SUCLG2: variants seen among roughly 807,000 people sequenced by gnomAD.
The protein encoded by SUCLG2 is succinate-CoA ligase GDP-forming subunit beta, also known as succinate--CoA ligase [GDP-forming] subunit beta, mitochondrial.
In SUCLG2, 42 loss-of-function variants were observed where a neutral mutation model predicts 47.9. That is an observed-to-expected ratio of 0.88 (90% CI 0.69 to 1.14). SUCLG2 has a LOEUF of 1.14. Ranked by LOEUF, SUCLG2 falls within the 50% of genes most tolerant of loss-of-function variation. The probability of loss-of-function intolerance (pLI) is 0.00; values close to 1 mark genes in which losing one functional copy is unlikely to be tolerated. For missense variants in SUCLG2, 571 were observed against 525.9 expected, an observed-to-expected ratio of 1.09 and a Z score of -0.84; for synonymous variants, 195 against 197.3, an observed-to-expected ratio of 0.99 and a Z score of 0.10.
chr3:67,370,623 T>G (rs1383201989), downstream of SUCLG2, among the ~76,000 whole-genome samples: 6 of 152,244 alleles, frequency 3.9e-5, no homozygotes, highest in African/African-American at 1.4e-4. Flanking sequence ...TGTCTTTTCC[T>G]AGACATATAT....
chr3:67,539,066 A>T (rs1706626865), intron 2 of SUCLG2, among the ~76,000 whole-genome samples: 1 of 152,078 alleles, frequency 6.6e-6, no homozygotes, highest in African/African-American at 2.4e-5. Flanking sequence ...CCCTTGCCTG[A>T]TTGTCCTGGC....
intron 9 of SUCLG2, among the ~76,000 whole-genome samples, chr3:67,481,495 C>T (rs1704914933): frequency 6.6e-6 from 1 of 152,220 alleles, no homozygotes; most frequent in Non-Finnish European, 1.5e-5. Flanking sequence ...CAGGGCTTTT[C>T]AAACTCTAAC....
intron 10 of SUCLG2, among the ~76,000 whole-genome samples, chr3:67,377,687 T>C (rs543091409): frequency 6.6e-6 from 1 of 152,222 alleles, no homozygotes; most frequent in Admixed American, 6.5e-5. Context: ...AGGCTCTCGC[T>C]GTGTCACCCA....
chr3:67,611,527 C>T (rs1302476747), intron 1 of SUCLG2, among the ~76,000 whole-genome samples: 1 of 152,072 alleles, frequency 6.6e-6, no homozygotes, highest in Non-Finnish European at 1.5e-5. Context: ...AGCGAAAAAG[C>T]CCCTTAGTGA....
In SUCLG2 at chr3:67,441,649, A is replaced by C. The variant is rs1049584494; in HGVS notation, c.1063-40798T>G. On this transcript the variant is annotated intron_variant, in intron 9 of 10. Transcript: ENST00000307227. ...ATGTTGTTCTAAGTTGCTCAACTTT[A>C]GGATCTTTTGTTACAAAGTAATACA... Among the ~76,000 whole-genome samples, 100 of 152,208 alleles carry C rather than the reference A, an allele frequency of 6.6e-4. 1 individual carries two copies. Among genetic ancestry groups the C allele is most frequent in the Non-Finnish European group, 1.0e-4 (7 of 68,036 alleles).
intron 2 of SUCLG2, among the ~76,000 whole-genome samples, chr3:67,595,406 G>C (rs1273951601): frequency 1.3e-5 from 2 of 152,184 alleles, no homozygotes; most frequent in African/African-American, 4.8e-5. Context: ...ATCACCCCAA[G>C]AAGGGAAGAC....
chr3:67,512,997 G>C (rs767156100), intron 6 of SUCLG2, among the ~76,000 whole-genome samples: 2 of 149,394 alleles, frequency 1.3e-5, no homozygotes, highest in Non-Finnish European at 3.0e-5. Context: ...GATATATATA[G>C]ATACCAGATA....
chr3:67,538,730 T>C (rs1400974589), intron 2 of SUCLG2, among the ~76,000 whole-genome samples: 1 of 152,242 alleles, frequency 6.6e-6, no homozygotes, highest in African/African-American at 2.4e-5. Context: ...CCTCTCTTAT[T>C]TCCTTGAGCA....
intron 8 of SUCLG2, among the ~76,000 whole-genome samples, chr3:67,496,787 T>C (rs1705354262): frequency 6.6e-6 from 1 of 152,134 alleles, no homozygotes; most frequent in Middle Eastern, 3.4e-3. Flanking sequence ...TAAAATTACT[T>C]TCCTTGAGAG....
At chr3:67,440,260 C>T (rs1356965196) in intron 9 of SUCLG2, among the ~76,000 whole-genome samples, 1 of 152,126 alleles carries the variant, frequency 6.6e-6, no homozygotes, top group Non-Finnish European at 1.5e-5. Context: ...AAATGTAAGA[C>T]CTAAAACCAT....
intron 2 of SUCLG2, among the ~76,000 whole-genome samples, chr3:67,591,696 C>T (rs1708171053): frequency 6.6e-6 from 1 of 152,156 alleles, no homozygotes; most frequent in African/African-American, 2.4e-5. Flanking sequence ...ATCTTTTTTT[C>T]TTCCCAGTCT....
chr3:67,615,545 T>C (rs1392753679), intron 1 of SUCLG2, among the ~76,000 whole-genome samples: 2 of 150,430 alleles, frequency 1.3e-5, no homozygotes, highest in Admixed American at 6.6e-5. Flanking sequence ...ATCAAGAAAA[T>C]AGAAACTCAA....
chr3:67,400,810 G>A lies in SUCLG2; in HGVS notation c.1104C>T (p.Asn368=). Residue 368 remains asparagine (N), a synonymous_variant, in exon 10 of 11, where the codon AAC becomes AAT. Coordinates refer to ENST00000307227, the MANE Select transcript of SUCLG2 (RefSeq NM_003848.4). ...ILVNIFGGIV[N]CAIIANGITK... is the part of the protein sequence containing the mutation. Reference sequence around the variant, plus strand: ...TGATCCCATTGGCAATGATGGCACAGTTGACGATACCACCAAATATATTGA... The same window carrying A: ...TGATCCCATTGGCAATGATGGCACAATTGACGATACCACCAAATATATTGA... 1 of 1,612,876 alleles carries A rather than the reference G, an allele frequency of 6.2e-7. No individual in the cohort carries two copies. The highest frequency in any genetic ancestry group is 8.5e-7 in the Non-Finnish European group (1 of 1,179,904).
At chr3:67,594,554 A>G (rs1168973815) in intron 2 of SUCLG2, among the ~76,000 whole-genome samples, 1 of 152,138 alleles carries the variant, frequency 6.6e-6, no homozygotes, top group Non-Finnish European at 1.5e-5. Context: ...ACTATCCTAT[A>G]ACATGAAATC....
intron 3 of SUCLG2, 46 bp downstream of exon 3, chr3:67,529,041 A>T: frequency 6.5e-7 from 1 of 1,538,920 alleles, no homozygotes; most frequent in Non-Finnish European, 8.9e-7. Flanking sequence ...AAGATCTTCC[A>T]TAACTGCTTG....
chr3:67,451,094 G>A (rs1212328588), intron 9 of SUCLG2, among the ~76,000 whole-genome samples: 1 of 152,192 alleles, frequency 6.6e-6, no homozygotes, highest in Non-Finnish European at 1.5e-5. Context: ...TGATAGCAGT[G>A]TCTTATAACT....
chr3:67,540,612 G>A (rs1356818706), intron 2 of SUCLG2, among the ~76,000 whole-genome samples: 2 of 152,166 alleles, frequency 1.3e-5, no homozygotes, highest in African/African-American at 4.8e-5. Context: ...GGGCGGCTGT[G>A]GGCACAGCTT....
intron 1 of SUCLG2, among the ~76,000 whole-genome samples, chr3:67,620,123 A>T (rs1021511108): frequency 1.3e-5 from 2 of 152,190 alleles, no homozygotes; most frequent in African/African-American, 4.8e-5. Flanking sequence ...TGCATCCATA[A>T]TGTGGTCACT....
In SUCLG2 at chr3:67,528,123, C is replaced by A. The variant is rs372833641; in HGVS notation, c.417+9G>T. The stretch of plus-strand genomic sequence containing the variant: ...ATATATAGAAAATGACCCAAAGTAT[C>A]CATATTACCTTGTTAACTTTCACAC... On this transcript the variant is annotated intron_variant, in intron 4 of 10. Transcript: ENST00000307227. 1 of 1,610,132 alleles carries A rather than the reference C, an allele frequency of 6.2e-7. No homozygotes were observed. Among genetic ancestry groups the A allele is most frequent in the East Asian group, 2.2e-5 (1 of 44,816 alleles).
Sources: allele counts gnomAD v4.1 joint callset (sites outside exome capture counted in the v4.1 genomes callset), GRCh38; gene constraint gnomAD v4.1.1; transcripts MANE v1.5; gene names NCBI Gene and HGNC (gene_info 2026-07-23, HGNC 2026-07-21).